MBNL2: variants seen among roughly 807,000 people sequenced by gnomAD.
MBNL2 encodes muscleblind like splicing regulator 2, also known as muscleblind-like protein 2.
MBNL2 carries 17 observed loss-of-function variants against 41.9 expected under a neutral mutation model. The ratio of observed to expected loss-of-function variants is 0.41; its 90% confidence interval spans 0.28 to 0.61. MBNL2 has a LOEUF of 0.61. MBNL2 is among the 20% of genes least tolerant of loss of function. MBNL2 has a pLI of 0.35. For synonymous variants in MBNL2, 195 were observed against 182.9 expected, an observed-to-expected ratio of 1.07 and a Z score of -0.53; for missense variants, 336 against 505.6, an observed-to-expected ratio of 0.66 and a Z score of 3.22.
chr13:97,251,217 A>G (rs553430065), intron 1 of MBNL2, among the ~76,000 whole-genome samples: 146 of 150,872 alleles, frequency 9.7e-4, no homozygotes, highest in Non-Finnish European at 1.6e-3. Flanking sequence ...ACTACAGTCA[A>G]CAATTTATTA....
At chr13:97,257,133 A>T (rs553332702) in intron 1 of MBNL2, among the ~76,000 whole-genome samples, 1 of 152,154 alleles carries the variant, frequency 6.6e-6, no homozygotes, top group Non-Finnish European at 1.5e-5. Context: ...CATACCAGTA[A>T]AAGGTATTAT....
intron 2 of MBNL2, among the ~76,000 whole-genome samples, chr13:97,308,651 T>C (rs867011891): frequency 2.0e-5 from 3 of 152,228 alleles, no homozygotes; most frequent in Non-Finnish European, 2.9e-5. Flanking sequence ...CCCACTATTA[T>C]GACAAGAGCT....
chr13:97,232,749 C>G (rs1490051112), intron 1 of MBNL2, among the ~76,000 whole-genome samples: 1 of 151,964 alleles, frequency 6.6e-6, no homozygotes. Flanking sequence ...AGCCAGAAGT[C>G]CCTCCTCACA....
chr13:97,318,499 T>C (rs945493934), intron 2 of MBNL2, among the ~76,000 whole-genome samples: 1 of 152,226 alleles, frequency 6.6e-6, no homozygotes, highest in Non-Finnish European at 1.5e-5. Context: ...GTGTCTAGCA[T>C]GCATCTAATG....
intron 1 of MBNL2, among the ~76,000 whole-genome samples, chr13:97,250,960 C>T (rs1220225381): frequency 6.6e-6 from 1 of 151,982 alleles, no homozygotes; most frequent in Non-Finnish European, 1.5e-5. Context: ...CTTTTCTTAA[C>T]CTGGATGCCA....
the MBNL2 span, among the ~76,000 whole-genome samples, chr13:97,203,698 T>A: frequency 6.6e-6 from 1 of 152,200 alleles, no homozygotes; most frequent in East Asian, 1.9e-4. Flanking sequence ...TTTACTACTC[T>A]ACCTAACCTT....
intron 8 of MBNL2, among the ~76,000 whole-genome samples, chr13:97,374,309 A>G (rs1164653441): frequency 4.6e-5 from 7 of 150,786 alleles, no homozygotes; most frequent in East Asian, 2.0e-4. Context: ...CACTACGCCC[A>G]GCTAATTTTT....
chr13:97,387,616 G>A (rs371700785), intron 8 of MBNL2, among the ~76,000 whole-genome samples: 22 of 152,262 alleles, frequency 1.4e-4, no homozygotes, highest in African/African-American at 4.8e-4. Flanking sequence ...GTGTCCCGTC[G>A]CCCTATCTCA....
intron 1 of MBNL2, among the ~76,000 whole-genome samples, chr13:97,264,309 G>C (rs1594115574): frequency 6.6e-6 from 1 of 152,158 alleles, no homozygotes; most frequent in Non-Finnish European, 1.5e-5. Flanking sequence ...TTACAGGCTT[G>C]AGCCACTGTG....
chr13:97,346,271 G>A lies in MBNL2; in HGVS notation c.541-533G>A, dbSNP rs77585286. 1.1e-4 allele frequency among the ~76,000 whole-genome samples: 16 copies of A among 141,870 alleles called. No homozygotes were observed. Among genetic ancestry groups the A allele is most frequent in the South Asian group, 2.3e-4 (1 of 4,432 alleles). The allele number at this position is 141,870 out of a possible 152,430, so 93.1% of individuals were successfully genotyped here. Reference sequence around the variant, plus strand: ...TGGATGGATGGATGGATGGATGGATGGATAGATGGATGGGTGGATGGATAG... The same window carrying A: ...TGGATGGATGGATGGATGGATGGATAGATAGATGGATGGGTGGATGGATAG... On this transcript the variant is annotated intron_variant, in intron 4 of 8. Transcript: ENST00000679496. The surrounding 1 kb of genome is among the most constrained non-coding windows in gnomAD (Gnocchi z 4.2).
At chr13:97,173,747 A>G in the MBNL2 span, among the ~76,000 whole-genome samples, 1 of 152,282 alleles carries the variant, frequency 6.6e-6, no homozygotes, top group Non-Finnish European at 1.5e-5. Flanking sequence ...ACAGCAGGAT[A>G]TGTCTCACCA....
intron 7 of MBNL2, among the ~76,000 whole-genome samples, chr13:97,361,258 G>A (rs1310451875): frequency 1.3e-5 from 2 of 152,236 alleles, no homozygotes; most frequent in Non-Finnish European, 2.9e-5. Flanking sequence ...TCTGAAGTAG[G>A]AGAAATTTGC....
At chr13:97,326,852 C>G (rs1357306636) in intron 2 of MBNL2, among the ~76,000 whole-genome samples, 1 of 152,198 alleles carries the variant, frequency 6.6e-6, no homozygotes, top group Non-Finnish European at 1.5e-5. Flanking sequence ...TTTTATTCCC[C>G]TACACTTTTA....
At chr13:97,259,399 C>G in intron 1 of MBNL2, among the ~76,000 whole-genome samples, 1 of 152,214 alleles carries the variant, frequency 6.6e-6, no homozygotes, top group Non-Finnish European at 1.5e-5. Context: ...GTCCTCTTCA[C>G]CCCTGCACCG....
the MBNL2 span, chr13:97,172,915 T>A: frequency 4.6e-5 from 7 of 151,790 alleles, no homozygotes; most frequent in East Asian, 1.9e-4. Context: ...CGAAAAAAAA[T>A]ATATAGATAT....
intron 8 of MBNL2, among the ~76,000 whole-genome samples, chr13:97,383,897 T>G (rs950633530): frequency 3.3e-5 from 5 of 150,294 alleles, no homozygotes; most frequent in African/African-American, 1.2e-4. Context: ...GCTTTTTATA[T>G]AATTAATTTT....
chr13:97,233,126 CATATATAT>C (rs376967986), intron 1 of MBNL2, among the ~76,000 whole-genome samples: 257 of 39,738 alleles, frequency 6.5e-3, no homozygotes, highest in Admixed American at 0.012. Flanking sequence ...GGCTCTTTTT[CATATATAT>C]ATATATATAT....
At chr13:97,210,972 T>G in the MBNL2 span, among the ~76,000 whole-genome samples, 1 of 149,896 alleles carries the variant, frequency 6.7e-6, no homozygotes. Context: ...AGAAGAGGGG[T>G]GGTGAAAGGG....
At chr13:97,186,063 A>G in the MBNL2 span, among the ~76,000 whole-genome samples, 4 of 152,182 alleles carry the variant, frequency 2.6e-5, no homozygotes, top group South Asian at 6.2e-4. Context: ...CTCTCTCTTG[A>G]TAACTCAGCC....
Sources: gnomAD v4.1 joint callset for allele counts (sites outside exome capture counted in the v4.1 genomes callset) on GRCh38, gnomAD v4.1.1 for gene constraint, Gnocchi (gnomAD v3.1) non-coding constraint, MANE v1.5 for transcripts, NCBI Gene and HGNC (gene_info 2026-07-23, HGNC 2026-07-21) for gene names.